The following BCAR3 variants were observed in gnomAD, a reference collection of about 807,000 sequenced individuals.
BCAR3 encodes breast cancer anti-estrogen resistance protein 3.
Under a neutral mutation model 80.1 loss-of-function variants are expected in BCAR3, and 37 were observed. The observed-to-expected ratio is 0.46, with a 90% CI of 0.36 to 0.61. The LOEUF (loss-of-function observed/expected upper bound fraction) is 0.61. BCAR3 is among the 20% of genes least tolerant of loss of function. BCAR3 has a pLI of 0.00. For synonymous variants in BCAR3, 389 were observed against 418.9 expected (o/e 0.93, Z 0.87); for missense variants, 978 against 1,068.2 (o/e 0.92, Z 1.18).
intron 7 of BCAR3, 69 bp downstream of exon 7, chr1:93,582,232 A>G (rs1473461783): frequency 2.0e-6 from 3 of 1,537,040 alleles, no homozygotes; most frequent in African/African-American, 2.8e-5. Flanking sequence ...AAGCCAGAGG[A>G]GCACCGGGAC....
Position 93,576,221 on chromosome 1 carries a change from G to A in BCAR3, c.1687-92C>T, listed in dbSNP as rs1011024435. The A allele has an allele frequency of 3.5e-5, 29 of 819,836 alleles. 1 individual carries two copies. Among genetic ancestry groups the A allele is most frequent in the Admixed American group, 1.1e-4 (5 of 46,472 alleles). The allele number at this position is 819,836 out of a possible 1,614,324, so 50.8% of individuals were successfully genotyped here. On this transcript the variant is annotated intron_variant, in intron 7 of 11. Coordinates refer to ENST00000260502, the MANE Select transcript of BCAR3 (RefSeq NM_003567.4). ...TATGAGAAGAAACACACTGAACTAC[G>A]ATGGCGTGGACACTTTATGAGTTAC...
At chr1:93,578,428 CT>C (rs1457947946) in intron 7 of BCAR3, among the ~76,000 whole-genome samples, 2 of 152,212 alleles carry the variant, frequency 1.3e-5, no homozygotes, top group African/African-American at 2.4e-5. Flanking sequence ...CACCCCACCC[CT>C]AACCCCATCT....
At chr1:93,653,226 CAAAT>C (rs1190379631) in intron 2 of BCAR3, among the ~76,000 whole-genome samples, 4 of 152,166 alleles carry the variant, frequency 2.6e-5, no homozygotes, top group Non-Finnish European at 1.5e-5. Context: ...TATTGCCAAA[CAAAT>C]GTTTTTAGAT....
chr1:93,687,740 C>T (rs1216385533), intron 3 of BCAR3, among the ~76,000 whole-genome samples: 3 of 152,206 alleles, frequency 2.0e-5, no homozygotes, highest in African/African-American at 7.2e-5. Context: ...TGATCCCTTC[C>T]TGCCACAAAG....
intron 7 of BCAR3, among the ~76,000 whole-genome samples, chr1:93,576,432 CT>C (rs1295625423): frequency 1.3e-5 from 2 of 152,196 alleles, no homozygotes; most frequent in Non-Finnish European, 2.9e-5. Flanking sequence ...GTTCTCTGAG[CT>C]TTTGTCTGAC....
intron 3 of BCAR3, among the ~76,000 whole-genome samples, chr1:93,615,449 C>T (rs549543518): frequency 6.6e-6 from 1 of 152,286 alleles, no homozygotes; most frequent in South Asian, 2.1e-4. Flanking sequence ...CGAGTGTGGG[C>T]GATGACTTCC....
At chr1:93,776,350 G>A (rs754131938) in intron 2 of BCAR3, among the ~76,000 whole-genome samples, 2 of 152,016 alleles carry the variant, frequency 1.3e-5, no homozygotes, top group Non-Finnish European at 2.9e-5. Flanking sequence ...GCCAACCCAC[G>A]CCCTACTGTC....
chr1:93,749,892 T>TA (rs909050904), intron 2 of BCAR3, among the ~76,000 whole-genome samples: 9 of 150,368 alleles, frequency 6.0e-5, no homozygotes, highest in Admixed American at 6.6e-5. Flanking sequence ...TTGACTTATT[T>TA]TTTTTTTTTT....
intron 3 of BCAR3, among the ~76,000 whole-genome samples, chr1:93,625,588 G>C (rs1675434378): frequency 6.6e-6 from 1 of 152,200 alleles, no homozygotes; most frequent in Non-Finnish European, 1.5e-5. Flanking sequence ...GCTTTATATA[G>C]TAAGTTCTCA....
At chr1:93,663,800 T>C (rs1410341828) in intron 2 of BCAR3, among the ~76,000 whole-genome samples, 1 of 152,224 alleles carries the variant, frequency 6.6e-6, no homozygotes, top group Non-Finnish European at 1.5e-5. Flanking sequence ...GGGGGAATCC[T>C]TTAAAGGAGC....
intron 3 of BCAR3, among the ~76,000 whole-genome samples, chr1:93,702,608 C>T (rs1210578719): frequency 6.6e-6 from 1 of 152,214 alleles, no homozygotes; most frequent in African/African-American, 2.4e-5. Context: ...TCTGCTGCTC[C>T]AGTCACAGAG....
At chr1:93,603,097 T>C (rs1674672319) in intron 3 of BCAR3, among the ~76,000 whole-genome samples, 1 of 152,268 alleles carries the variant, frequency 6.6e-6, no homozygotes, top group Non-Finnish European at 1.5e-5. Flanking sequence ...TTTCTTATGC[T>C]AATAACTGTG....
intron 3 of BCAR3, among the ~76,000 whole-genome samples, chr1:93,632,745 T>G (rs1316965168): frequency 2.0e-5 from 3 of 152,196 alleles, no homozygotes; most frequent in Non-Finnish European, 4.4e-5. Flanking sequence ...GCCACTCTTC[T>G]TTTGATTTTT....
At chr1:93,616,882 C>T (rs1675145072) in intron 3 of BCAR3, among the ~76,000 whole-genome samples, 1 of 152,336 alleles carries the variant, frequency 6.6e-6, no homozygotes, top group South Asian at 2.1e-4. Flanking sequence ...TCTCTGGCTG[C>T]CTGGAAGGCT....
At chr1:93,651,040 C>A (rs1173146662) in intron 2 of BCAR3, among the ~76,000 whole-genome samples, 2 of 152,134 alleles carry the variant, frequency 1.3e-5, no homozygotes, top group Non-Finnish European at 2.9e-5. Context: ...ATAAATAGAA[C>A]ACTGGCTCCC....
rs1434488715 is a variant in BCAR3 at position 93,561,860 on chromosome 1, A to T, written c.*381T>A. 2 of 160,040 alleles carry T rather than the reference A, an allele frequency of 1.2e-5. No homozygotes were observed. The highest frequency in any genetic ancestry group is 2.4e-5 in the African/African-American group (1 of 41,838). 9.9% of individuals were successfully genotyped at this position (160,040 alleles called of 1,614,324 possible). A position where few individuals can be genotyped will look rare whatever the true frequency, so the allele number is the denominator to read the frequency against. On this transcript the variant is annotated 3_prime_UTR_variant, in exon 12 of 12. Transcript: ENST00000260502. The stretch of plus-strand genomic sequence containing the variant: ...CATATTTGTTTAAAGAATATCATAT[A>T]ACTGATACCTTCTGAAATGTTTCAT...
chr1:93,573,601 A>G (rs1673311632), intron 8 of BCAR3, among the ~76,000 whole-genome samples: 1 of 143,240 alleles, frequency 7.0e-6, no homozygotes. Flanking sequence ...ATAGACCTAA[A>G]ATATATTTTT....
chr1:93,731,683 A>G (rs891791612), intron 2 of BCAR3, among the ~76,000 whole-genome samples: 7 of 151,980 alleles, frequency 4.6e-5, no homozygotes, highest in African/African-American at 1.7e-4. Flanking sequence ...AAAATAAAAT[A>G]AAATAAAATA....
intron 3 of BCAR3, among the ~76,000 whole-genome samples, chr1:93,694,946 A>C (rs549224528): frequency 2.0e-5 from 3 of 149,714 alleles, no homozygotes; most frequent in African/African-American, 4.9e-5. Flanking sequence ...GCTCCACCTC[A>C]GCCTACACTC....
Sources: gnomAD v4.1 joint callset for allele counts (sites outside exome capture counted in the v4.1 genomes callset) on GRCh38, gnomAD v4.1.1 for gene constraint, MANE v1.5 for transcripts, NCBI Gene and HGNC (gene_info 2026-07-23, HGNC 2026-07-21) for gene names.